KCNMB2: variants seen among roughly 807,000 people sequenced by gnomAD.
KCNMB2 encodes the protein calcium-activated potassium channel subunit beta-2.
KCNMB2 carries 9 observed loss-of-function variants against 24.5 expected under a neutral mutation model. The ratio of observed to expected loss-of-function variants is 0.37; its 90% CI spans 0.22 to 0.64. KCNMB2 has a LOEUF of 0.64. Ranked by LOEUF, KCNMB2 falls within the 30% of genes least tolerant of loss-of-function variation. KCNMB2 has a pLI of 0.63. For synonymous variants in KCNMB2, 109 were observed against 104.4 expected, an observed-to-expected ratio of 1.04 and a Z score of -0.27; for missense variants, 226 against 284.3, an observed-to-expected ratio of 0.79 and a Z score of 1.47.
rs530499246 is a variant in KCNMB2 at position 178,749,812 on chromosome 3, C to G, written c.-67-57531C>G. Among the ~76,000 whole-genome samples the G allele has an allele frequency of 1.4e-4, 22 of 152,256 alleles. No homozygotes were observed. In the South Asian group the frequency reaches 4.6e-3, roughly 32 times the overall value. ...GTGAAATTGTGACAGCTGAATTGAA[C>G]AGATTGGAAAATAGATGTATGAATA... On this transcript the variant is annotated intron_variant, in intron 1 of 4. Coordinates refer to ENST00000452583, the MANE Select transcript of KCNMB2 (RefSeq NM_181361.3).
intron 1 of KCNMB2, among the ~76,000 whole-genome samples, chr3:178,604,704 A>G (rs563891350): frequency 6.6e-5 from 10 of 152,338 alleles, no homozygotes; most frequent in African/African-American, 1.9e-4. Context: ...TTGCCAAATC[A>G]TTCATCTGAT....
At chr3:178,799,341 C>A (rs1458803768) in intron 1 of KCNMB2, among the ~76,000 whole-genome samples, 2 of 151,894 alleles carry the variant, frequency 1.3e-5, no homozygotes, top group Admixed American at 1.3e-4. Context: ...GTTGCAGGAT[C>A]CAAAAATCAA....
At chr3:178,729,723 G>A (rs1162950942) in intron 1 of KCNMB2, among the ~76,000 whole-genome samples, 3 of 152,164 alleles carry the variant, frequency 2.0e-5, no homozygotes, top group South Asian at 2.1e-4. Flanking sequence ...CTTGTTAATT[G>A]TATGTATGTA....
At chr3:178,685,876 T>C (rs938493180) in intron 1 of KCNMB2, among the ~76,000 whole-genome samples, 27 of 152,196 alleles carry the variant, frequency 1.8e-4, no homozygotes, top group African/African-American at 6.0e-4. Context: ...TTTTTAAAAA[T>C]AGAGGTAAGA....
chr3:178,621,024 G>C (rs893197803), intron 1 of KCNMB2, among the ~76,000 whole-genome samples: 1 of 152,142 alleles, frequency 6.6e-6, no homozygotes, highest in Admixed American at 6.5e-5. Flanking sequence ...GCAAACTTTT[G>C]AAAGTTTTTT....
chr3:178,828,378 G>A lies in KCNMB2; in HGVS notation c.423+5G>A. ...ACAATAAAAATCAATCAGAAGGTAG[G>A]AACTTGGCGTACTGCATTTCAGTTA... On this transcript the variant is annotated splice_donor_5th_base_variant and intron_variant, in intron 4 of 4. Coordinates refer to ENST00000452583, the MANE Select transcript of KCNMB2 (RefSeq NM_181361.3). 1 of 1,608,892 alleles carries A rather than the reference G, an allele frequency of 6.2e-7. No homozygotes were observed.
chr3:178,677,307 C>A (rs921993685), intron 1 of KCNMB2, among the ~76,000 whole-genome samples: 1 of 152,096 alleles, frequency 6.6e-6, no homozygotes, highest in African/African-American at 2.4e-5. Context: ...CACCAGACAC[C>A]ATAAGGAGGG....
rs1160304196 is a variant in KCNMB2, at chr3:178,758,150, A to G, written c.-67-49193A>G. ...TGTACACACAAGAGGATATATATAT[A>G]TATATATCCAAGAGGATATATATAT... is the stretch of plus-strand genomic sequence containing the variant. On this transcript the variant is annotated intron_variant, in intron 1 of 4. Transcript: ENST00000452583. Among the ~76,000 whole-genome samples, 96 of 99,790 alleles carry G rather than the reference A, an allele frequency of 9.6e-4. 6 individuals carry two copies. The highest frequency in any genetic ancestry group is 3.6e-3 in the African/African-American group (88 of 24,250). The allele number at this position is 99,790 out of a possible 152,430, so 65.5% of individuals were successfully genotyped here.
intron 1 of KCNMB2, among the ~76,000 whole-genome samples, chr3:178,631,913 T>C (rs1271670900): frequency 1.3e-5 from 2 of 152,234 alleles, no homozygotes; most frequent in Non-Finnish European, 2.9e-5. Context: ...AGCCACAGCT[T>C]CACATCATGC....
chr3:178,708,208 T>C (rs972350947), intron 1 of KCNMB2, among the ~76,000 whole-genome samples: 3 of 152,112 alleles, frequency 2.0e-5, no homozygotes, highest in East Asian at 1.9e-4. Flanking sequence ...TTCTAGGTAA[T>C]CATTTTTAAG....
chr3:178,785,075 T>G (rs1332765430), intron 1 of KCNMB2, among the ~76,000 whole-genome samples: 3 of 151,720 alleles, frequency 2.0e-5, no homozygotes, highest in Non-Finnish European at 2.9e-5. Context: ...AAGCCTTAAA[T>G]GAAAAAGAAT....
intron 1 of KCNMB2, among the ~76,000 whole-genome samples, chr3:178,731,661 T>C (rs779680871): frequency 4.6e-5 from 7 of 152,162 alleles, no homozygotes; most frequent in Non-Finnish European, 8.8e-5. Flanking sequence ...CCCAGCACTT[T>C]GGGAGGCCGA....
At chr3:178,612,902 CTATT>C (rs1180740097) in intron 1 of KCNMB2, among the ~76,000 whole-genome samples, 6 of 151,746 alleles carry the variant, frequency 4.0e-5, no homozygotes. Flanking sequence ...TTTTGTGTAT[CTATT>C]GTGTGTTTTT....
intron 1 of KCNMB2, among the ~76,000 whole-genome samples, chr3:178,727,043 G>C (rs1056599656): frequency 5.9e-5 from 9 of 152,026 alleles, no homozygotes; most frequent in African/African-American, 2.2e-4. Context: ...TCCCTCGTCA[G>C]GCTGCTAATT....
intron 1 of KCNMB2, among the ~76,000 whole-genome samples, chr3:178,776,988 C>G (rs1467539810): frequency 6.6e-6 from 1 of 151,382 alleles, no homozygotes; most frequent in African/African-American, 2.4e-5. Flanking sequence ...ATATACAAAG[C>G]AACATGAAAT....
chr3:178,640,509 C>T (rs1445724843), intron 1 of KCNMB2, among the ~76,000 whole-genome samples: 1 of 152,196 alleles, frequency 6.6e-6, no homozygotes, highest in Non-Finnish European at 1.5e-5. Flanking sequence ...CTCCCCAACA[C>T]TGGGTATTAC....
chr3:178,565,107 T>A (rs1327106872), intron 1 of KCNMB2, among the ~76,000 whole-genome samples: 1 of 152,144 alleles, frequency 6.6e-6, no homozygotes, highest in Non-Finnish European at 1.5e-5. Context: ...TATATATACA[T>A]CTGTATGGAT....
At chr3:178,638,814 C>T (rs1346205864) in intron 1 of KCNMB2, among the ~76,000 whole-genome samples, 1 of 152,172 alleles carries the variant, frequency 6.6e-6, no homozygotes, top group Non-Finnish European at 1.5e-5. Context: ...TACAGACTAC[C>T]AAATGCTTGT....
intron 1 of KCNMB2, among the ~76,000 whole-genome samples, chr3:178,544,025 G>A (rs1447800688): frequency 3.3e-5 from 5 of 152,078 alleles, no homozygotes; most frequent in South Asian, 2.1e-4. Context: ...CTAGGTCATC[G>A]TCATCACAGT....
Sources: gnomAD v4.1 joint callset for allele counts (sites outside exome capture counted in the v4.1 genomes callset) on GRCh38, gnomAD v4.1.1 for gene constraint, MANE v1.5 for transcripts, NCBI Gene and HGNC (gene_info 2026-07-23, HGNC 2026-07-21) for gene names.